Variants in RAB11FIP4 observed in about 807,000 individuals in gnomAD.
RAB11FIP4 encodes RAB11 family interacting protein 4.
In RAB11FIP4, 23 loss-of-function variants were observed where a neutral mutation model predicts 74.3. The observed-to-expected ratio is 0.31, with a 90% CI of 0.22 to 0.44. The LOEUF is 0.44. Among genes scored for constraint, RAB11FIP4 ranks in the 20% least tolerant of loss-of-function variants. RAB11FIP4 has a pLI of 1.00. For missense variants in RAB11FIP4, 630 were observed against 863.9 expected (o/e 0.73, Z 3.39); for synonymous variants, 360 against 359.9 (o/e 1.00, Z 0.00).
rs552672499 is a variant in RAB11FIP4, at chr17:31,522,567, A to G, written c.929+172A>G. 158 of 620,724 alleles carry G rather than the reference A, an allele frequency of 2.5e-4. 1 individual carries two copies. Among genetic ancestry groups the G allele is most frequent in the Middle Eastern group, 1.2e-3 (4 of 3,452 alleles). The allele number at this position is 620,724 out of a possible 1,614,324, so 38.5% of individuals were successfully genotyped here. A position where few individuals can be genotyped will look rare whatever the true frequency, so the allele number is the denominator to read the frequency against. On this transcript the variant is annotated intron_variant, in intron 7 of 14. Coordinates refer to ENST00000621161, the MANE Select transcript of RAB11FIP4 (RefSeq NM_032932.6). ...GCCAGGGCAGCGTCACTTCTGAAAA[A>G]GAGGGGCCAGCTCCTCCCTGCTCTC...
At chr17:31,444,988 G>C (rs1428311108) in intron 3 of RAB11FIP4, among the ~76,000 whole-genome samples, 1 of 152,122 alleles carries the variant, frequency 6.6e-6, no homozygotes, top group East Asian at 1.9e-4. Context: ...GATGTTCTCC[G>C]AGAAAGCACG....
chr17:31,407,151 A>G (rs1246605194), intron 1 of RAB11FIP4, among the ~76,000 whole-genome samples: 1 of 146,086 alleles, frequency 6.8e-6, no homozygotes, highest in East Asian at 2.1e-4. Context: ...TCCTGGGCTC[A>G]AGCGATCCTC....
chr17:31,509,846 T>C (rs1268989130), intron 3 of RAB11FIP4, among the ~76,000 whole-genome samples: 1 of 152,126 alleles, frequency 6.6e-6, no homozygotes, highest in Non-Finnish European at 1.5e-5. Flanking sequence ...TTGCTTGTTG[T>C]TCAGAAGGCA....
Position 31,534,973 on chromosome 17 carries a change from G to A in RAB11FIP4, c.*3241G>A, listed in dbSNP as rs188409553. On this transcript the variant is annotated 3_prime_UTR_variant, in exon 15 of 15. Transcript: ENST00000621161. ...CTGGTTCAGCTAGTCCCTGTGCGTT[G>A]AGAGGCTTTAAGAAACTTCTAGTAA... 1.9e-5 allele frequency: 3 copies of A among 154,438 alleles called. No homozygotes were observed. The Admixed American group carries it at 2.0e-4, about 10-fold the overall frequency. The allele number at this position is 154,438 out of a possible 1,614,324, so 9.6% of individuals were successfully genotyped here.
At chr17:31,425,713 G>C (rs1204641496) in intron 1 of RAB11FIP4, among the ~76,000 whole-genome samples, 1 of 152,220 alleles carries the variant, frequency 6.6e-6, no homozygotes, top group African/African-American at 2.4e-5. Flanking sequence ...AGCAAGCTGG[G>C]GCCCAGCTGT....
intron 14 of RAB11FIP4, 74 bp from the exon 15 acceptor site, chr17:31,531,542 A>C: frequency 1.0e-6 from 1 of 984,612 alleles, no homozygotes; most frequent in Non-Finnish European, 1.6e-6. Context: ...GCCTGCGACA[A>C]GCCTGGGAGT....
chr17:31,445,132 C>T (rs2071439186), intron 3 of RAB11FIP4, among the ~76,000 whole-genome samples: 1 of 152,186 alleles, frequency 6.6e-6, no homozygotes. Context: ...GCTCCTGCTG[C>T]AGATGGTGCA....
chr17:31,459,752 C>T (rs919033787), intron 3 of RAB11FIP4, among the ~76,000 whole-genome samples: 5 of 145,944 alleles, frequency 3.4e-5, no homozygotes, highest in African/African-American at 1.2e-4. Context: ...CCCCTCCCCC[C>T]ACCCAAAGCA....
Position 31,527,893 on chromosome 17 carries a change from G to A in RAB11FIP4, c.1326G>A (p.Arg442=). ...ENTELRTTVT[R]LKSQTEKLDE... ...CAGAGCTTAGAACAACAGTGACTCG[G>A]CTCAAGTCTCAAACAGAGAAACTGG... is the stretch of plus-strand genomic sequence containing the variant. The change falls in exon 11 of 15, where the codon CGG becomes CGA. Residue 442 remains arginine (R), a synonymous_variant. Transcript: ENST00000621161. The A allele has an allele frequency of 1.2e-6, 2 of 1,604,936 alleles. No individual in the cohort carries two copies. The highest frequency in any genetic ancestry group is 1.1e-5 in the South Asian group (1 of 88,802).
intron 3 of RAB11FIP4, among the ~76,000 whole-genome samples, chr17:31,461,743 GGTCTTGCTCTGTCACCCA>G (rs1476806124): frequency 4.7e-5 from 7 of 150,234 alleles, no homozygotes; most frequent in African/African-American, 1.7e-4. Context: ...TTTGAGACAA[GGTCTTGCTCTGTCACCCA>G]GGCTGGAGTG....
intron 1 of RAB11FIP4, among the ~76,000 whole-genome samples, chr17:31,414,166 G>A (rs2071125962): frequency 6.6e-6 from 1 of 152,234 alleles, no homozygotes; most frequent in African/African-American, 2.4e-5. Context: ...GAGGAGGTGG[G>A]ATTCCAGCTC....
intron 3 of RAB11FIP4, among the ~76,000 whole-genome samples, chr17:31,475,799 G>T (rs78636032): frequency 0.021 from 2,944 of 142,104 alleles, 80 homozygotes; most frequent in African/African-American, 0.069. Context: ...TTTTTGTGTG[G>T]TTTTTTTTTT....
chr17:31,488,760 C>A (rs1243701040), intron 3 of RAB11FIP4, among the ~76,000 whole-genome samples: 4 of 152,164 alleles, frequency 2.6e-5, no homozygotes, highest in African/African-American at 9.7e-5. Context: ...GGTGTGGGGC[C>A]GGGGCCCTGC....
Position 31,531,925 on chromosome 17 carries a change from A to C in RAB11FIP4, c.*193A>C. On this transcript the variant is annotated 3_prime_UTR_variant, in exon 15 of 15. Coordinates refer to ENST00000621161, the MANE Select transcript of RAB11FIP4 (RefSeq NM_032932.6). Reference sequence around the variant, plus strand: ...GGGGTGAGTGGCCGTGGCTGTGGGCAGCATCCACACGGTTAGCCGTGCATG... The same window carrying C: ...GGGGTGAGTGGCCGTGGCTGTGGGCCGCATCCACACGGTTAGCCGTGCATG... 1 of 575,070 alleles carries C rather than the reference A, an allele frequency of 1.7e-6. No individual in the cohort carries two copies. Among genetic ancestry groups the C allele is most frequent in the East Asian group, 2.9e-5 (1 of 34,588 alleles). 35.6% of individuals were successfully genotyped at this position (575,070 alleles called of 1,614,324 possible).
chr17:31,427,885 G>C (rs1405687973), intron 1 of RAB11FIP4, among the ~76,000 whole-genome samples: 1 of 152,212 alleles, frequency 6.6e-6, no homozygotes, highest in Non-Finnish European at 1.5e-5. Flanking sequence ...GTCATTGCCT[G>C]GCAGTGTCAG....
At chr17:31,480,916 T>C (rs994716613) in intron 3 of RAB11FIP4, among the ~76,000 whole-genome samples, 4 of 152,178 alleles carry the variant, frequency 2.6e-5, no homozygotes, top group Non-Finnish European at 4.4e-5. Flanking sequence ...ATTAATTTAT[T>C]GTTTCATCAT....
intron 3 of RAB11FIP4, among the ~76,000 whole-genome samples, chr17:31,505,439 T>TATAATAATATATAATAATTATTATAAA (rs10628693): frequency 1.1e-5 from 1 of 91,284 alleles, no homozygotes; most frequent in Non-Finnish European, 2.0e-5. Flanking sequence ...ATAATTATTA[T>TATAATAATATATAATAATTATTATAAA]ATAATATATA....
chr17:31,527,855 G>A lies in RAB11FIP4; in HGVS notation c.1288G>A (p.Glu430Lys). Residue 430 changes from glutamate to lysine, a missense_variant, in exon 11 of 15, where the codon GAG (glutamate) becomes AAG (lysine). Transcript: ENST00000621161. ...TCCTTTCGCCAGGGTGCAGCAGTTG[G>A]AGGAAGAAAATACAGAGCTTAGAAC... The part of the protein sequence containing the change: ...ELLNARVQQL[E>K]EENTELRTTV... 3.7e-6 allele frequency: 6 copies of A among 1,606,618 alleles called. No homozygotes were observed. Among genetic ancestry groups the A allele is most frequent in the Non-Finnish European group, 5.1e-6 (6 of 1,176,856 alleles).
chr17:31,466,462 A>T (rs1369865470), intron 3 of RAB11FIP4, among the ~76,000 whole-genome samples: 2 of 152,180 alleles, frequency 1.3e-5, no homozygotes. Context: ...TCTATCGCAT[A>T]GTTATGTGCT....
Sources: allele counts gnomAD v4.1 joint callset (sites outside exome capture counted in the v4.1 genomes callset), GRCh38; gene constraint gnomAD v4.1.1; transcripts MANE v1.5; gene names NCBI Gene and HGNC (gene_info 2026-07-23, HGNC 2026-07-21).